CSF2RA: variants seen among roughly 807,000 people sequenced by gnomAD.
The protein encoded by CSF2RA is colony stimulating factor 2 receptor subunit alpha, also known as granulocyte-macrophage colony-stimulating factor receptor subunit alpha.
A neutral mutation model predicts 51.6 loss-of-function variants in CSF2RA; 42 were observed. That is an observed-to-expected ratio of 0.81 (90% CI 0.64 to 1.05). The LOEUF (loss-of-function observed/expected upper bound fraction) is 1.05. CSF2RA is among the 50% of genes least tolerant of loss of function. CSF2RA has a pLI of 0.00. For synonymous variants in CSF2RA, 222 were observed against 193.0 expected, an observed-to-expected ratio of 1.15 and a Z score of -1.24; for missense variants, 530 against 501.1, an observed-to-expected ratio of 1.06 and a Z score of -0.55.
At chrX:1,310,874 C>G (rs1275802472), downstream of CSF2RA, among the ~76,000 whole-genome samples, 2 of 151,942 alleles carry the variant, frequency 1.3e-5, no homozygotes, top group African/African-American at 4.8e-5. Flanking sequence ...GGGGCGGACT[C>G]CTTATAAATG....
At chrX:1,278,691 A>AC (rs2089512174) in intron 2 of CSF2RA, among the ~76,000 whole-genome samples, 1 of 138,928 alleles carries the variant, frequency 7.2e-6, no homozygotes, top group African/African-American at 2.5e-5. Flanking sequence ...GTCTAAAAAA[A>AC]AAAAAAATTC....
chrX:1,309,834 G>A lies in CSF2RA; in HGVS notation c.*355G>A. On this transcript the variant is annotated 3_prime_UTR_variant, in exon 13 of 13. Transcript: ENST00000381529. ...ACCCGTGAGGCGGAGGTTGTAGTGA[G>A]CCAAGATCGCACCATTGCACACCAA... 1.7e-6 allele frequency: 1 copy of A among 605,910 alleles called. No individual in the cohort carries two copies. Among genetic ancestry groups the A allele is most frequent in the Non-Finnish European group, 2.9e-6 (1 of 340,988 alleles). The allele number at this position is 605,910 out of a possible 1,614,324, so 37.5% of individuals were successfully genotyped here. A position where few individuals can be genotyped will look rare whatever the true frequency, so the allele number is the denominator to read the frequency against.
downstream of CSF2RA, among the ~76,000 whole-genome samples, chrX:1,314,532 T>A (rs1445593339): frequency 8.1e-6 from 1 of 122,814 alleles, no homozygotes; most frequent in African/African-American, 3.4e-5. Context: ...CCAATCCCAC[T>A]GCACCTGCCC....
chrX:1,284,360 G>A (rs28609091), intron 3 of CSF2RA, among the ~76,000 whole-genome samples: 24,148 of 133,160 alleles, frequency 0.18, 1,395 homozygotes, highest in East Asian at 0.39. Flanking sequence ...ACACCACCAT[G>A]CCAAGCTAAT....
intron 2 of CSF2RA, among the ~76,000 whole-genome samples, chrX:1,276,620 C>T (rs1331243688): frequency 6.6e-6 from 1 of 152,094 alleles, no homozygotes; most frequent in Non-Finnish European, 1.5e-5. Context: ...GTGATCCACC[C>T]ACCTGAGCCT....
At chrX:1,311,436 T>C (rs1180063050), downstream of CSF2RA, among the ~76,000 whole-genome samples, 1 of 101,134 alleles carries the variant, frequency 9.9e-6, no homozygotes, top group Non-Finnish European at 1.7e-5. Context: ...CAAATAAACC[T>C]GTTTGTTTTT....
At chrX:1,277,430 T>C (rs2089323430) in intron 2 of CSF2RA, among the ~76,000 whole-genome samples, 1 of 149,180 alleles carries the variant, frequency 6.7e-6, no homozygotes, top group Non-Finnish European at 1.5e-5. Flanking sequence ...ACCCCATCTC[T>C]ACTAAAAATA....
the CSF2RA span, among the ~76,000 whole-genome samples, chrX:1,317,096 AC>A: frequency 6.6e-6 from 1 of 151,538 alleles, no homozygotes; most frequent in South Asian, 2.1e-4. Flanking sequence ...ACAGGTGCCC[AC>A]CACCATGCCC....
At chrX:1,317,337 C>T in the CSF2RA span, among the ~76,000 whole-genome samples, 17 of 138,864 alleles carry the variant, frequency 1.2e-4, no homozygotes, top group Non-Finnish European at 2.1e-4. Flanking sequence ...CCACAACCTC[C>T]GCCTCCCGGG....
At chrX:1,314,902 T>C (rs76245105), downstream of CSF2RA, among the ~76,000 whole-genome samples, 1,837 of 18,076 alleles carry the variant, frequency 0.1, 242 homozygotes, top group Admixed American at 0.25. Flanking sequence ...CTGAACCTGC[T>C]CAACCCCACT....
downstream of CSF2RA, among the ~76,000 whole-genome samples, chrX:1,314,482 A>AACCCCACTGCACCTG (rs1569514887): frequency 2.8e-5 from 2 of 70,320 alleles, no homozygotes; most frequent in Admixed American, 1.4e-4. Flanking sequence ...CAATGCACCT[A>AACCCCACTGCACCTG]CCCAACCCCA....
the CSF2RA span, among the ~76,000 whole-genome samples, chrX:1,319,064 C>T: frequency 1.2e-4 from 17 of 136,720 alleles, no homozygotes; most frequent in African/African-American, 3.5e-4. Context: ...GGCATGATCT[C>T]GGCTCACTAC....
rs1442522707 is a variant in CSF2RA at position 1,287,796 on chromosome X, G to C, written c.220-723G>C. ...CTGTCACCCAGGCTGGAGTGCACTG[G>C]CGTGATCTCAGCTCACTGCAACCTG... On this transcript the variant is annotated intron_variant, in intron 4 of 12. Transcript: ENST00000381529. Among the ~76,000 whole-genome samples, 7 of 134,746 alleles carry C rather than the reference G, an allele frequency of 5.2e-5. 1 individual carries two copies. In the South Asian group the frequency reaches 7.2e-4, roughly 14 times the overall value. 88.4% of individuals were successfully genotyped at this position (134,746 alleles called of 152,430 possible).
At chrX:1,321,966 T>C in the CSF2RA span, among the ~76,000 whole-genome samples, 3 of 151,956 alleles carry the variant, frequency 2.0e-5, no homozygotes, top group Non-Finnish European at 4.4e-5. Flanking sequence ...TGAAACCCCT[T>C]TTCCACTAAA....
At chrX:1,311,818 C>T (rs2084205347), downstream of CSF2RA, among the ~76,000 whole-genome samples, 3 of 152,128 alleles carry the variant, frequency 2.0e-5, no homozygotes, top group East Asian at 1.9e-4. Context: ...TAAGACGAGA[C>T]GGAAATTCAT....
chrX:1,290,515 A>T lies in CSF2RA; in HGVS notation c.646+6A>T. On this transcript the variant is annotated splice_donor_region_variant and intron_variant, in intron 7 of 12. Coordinates refer to ENST00000381529, the MANE Select transcript of CSF2RA (RefSeq NM_172245.4). ...TTTGGACACAAAGAAAATAGGTGAG[A>T]ATAACACATATGATTTTCCTATTGT... 1 of 1,613,080 alleles carries T rather than the reference A, an allele frequency of 6.2e-7. No individual in the cohort carries two copies. The highest frequency in any genetic ancestry group is 8.5e-7 in the Non-Finnish European group (1 of 1,179,056).
intron 2 of CSF2RA, among the ~76,000 whole-genome samples, chrX:1,275,026 A>G (rs182118117): frequency 6.6e-6 from 1 of 150,672 alleles, no homozygotes; most frequent in African/African-American, 2.4e-5. Flanking sequence ...ATCCTCCTGA[A>G]GCAGCGTGAC....
intron 12 of CSF2RA, chrX:1,305,813 G>A: frequency 1.3e-6 from 2 of 1,541,948 alleles, no homozygotes; most frequent in Non-Finnish European, 1.8e-6. Flanking sequence ...AGGCACGGTG[G>A]CTCATGCCTG....
At chrX:1,308,458 G>A (rs1323479387) in intron 12 of CSF2RA, among the ~76,000 whole-genome samples, 2 of 151,864 alleles carry the variant, frequency 1.3e-5, no homozygotes, top group Non-Finnish European at 2.9e-5. Context: ...CCCCAGAGAG[G>A]GTGACTAAGG....
Sources: allele counts gnomAD v4.1 joint callset (sites outside exome capture counted in the v4.1 genomes callset), GRCh38; gene constraint gnomAD v4.1.1; transcripts MANE v1.5; gene names NCBI Gene and HGNC (gene_info 2026-07-23, HGNC 2026-07-21).